DNAH3: variants seen among roughly 807,000 people sequenced by gnomAD.
DNAH3 encodes dynein axonemal heavy chain 3, also known as axonemal beta dynein heavy chain 3.
In DNAH3, 332 loss-of-function variants were observed where a neutral mutation model predicts 432.5. The ratio of observed to expected loss-of-function variants is 0.77; its 90% CI spans 0.70 to 0.84. DNAH3 has a LOEUF of 0.84. DNAH3 is among the 40% of genes least tolerant of loss of function. The pLI is 0.00. For missense variants in DNAH3, 4,861 were observed against 5,114.0 expected, an observed-to-expected ratio of 0.95 and a Z score of 1.51; for synonymous variants, 1,956 against 1,900.2, an observed-to-expected ratio of 1.03 and a Z score of -0.76.
chr16:21,110,804 G>A (rs895522708), intron 14 of DNAH3, among the ~76,000 whole-genome samples: 169 of 152,246 alleles, frequency 1.1e-3, no homozygotes, highest in Non-Finnish European at 1.5e-3. Flanking sequence ...CTGGGAGGTC[G>A]AGGCTGCCAT....
chr16:21,140,521 G>A lies in DNAH3; in HGVS notation c.696+15C>T, dbSNP rs2092705147. The A allele has an allele frequency of 6.2e-7, 1 of 1,610,482 alleles. No individual in the cohort carries two copies. ...CCCTCAGCAAACCGAGGGAAAGGGG[G>A]CAACAGGAACGTACCTCCAGGTCCG... On this transcript the variant is annotated intron_variant, in intron 5 of 61. Transcript: ENST00000261383.
chr16:21,040,428 G>A (rs1437627064), intron 32 of DNAH3, among the ~76,000 whole-genome samples: 2 of 134,884 alleles, frequency 1.5e-5, no homozygotes, highest in East Asian at 4.7e-4. Context: ...GCAGTGGCAC[G>A]ATCTTGGCTC....
chr16:20,972,236 C>T (rs75393441), intron 51 of DNAH3, among the ~76,000 whole-genome samples: 2 of 147,226 alleles, frequency 1.4e-5, no homozygotes, highest in Non-Finnish European at 3.0e-5. Flanking sequence ...TTTTTTTTCT[C>T]TCTTTTTTTT....
At chr16:20,942,069 TAAA>T (rs66695399) in intron 58 of DNAH3, among the ~76,000 whole-genome samples, 3 of 125,092 alleles carry the variant, frequency 2.4e-5, no homozygotes, top group Non-Finnish European at 1.7e-5. Flanking sequence ...GTCTAAAAGT[TAAA>T]AAAAAAAAAA....
chr16:21,051,803 A>C (rs990461544), exon 29 of DNAH3: 4 of 1,614,016 alleles, frequency 2.5e-6, no homozygotes, highest in Non-Finnish European at 3.4e-6. Flanking sequence ...CGCAGCTGTG[A>C]GATCCATTGG....
intron 20 of DNAH3, among the ~76,000 whole-genome samples, chr16:21,076,821 G>T (rs1287563415): frequency 1.3e-5 from 2 of 152,046 alleles, no homozygotes; most frequent in African/African-American, 2.4e-5. Context: ...CACGAATCTT[G>T]ATTAAAAGCC....
At chr16:21,058,292 A>G (rs2090207494) in intron 26 of DNAH3, 96 bp from the exon 27 acceptor site, 7 of 658,812 alleles carry the variant, frequency 1.1e-5, no homozygotes, top group Non-Finnish European at 1.9e-5. Flanking sequence ...CACCGCAACA[A>G]AAACAAAATC....
chr16:21,001,771 G>A (rs1206343252), intron 42 of DNAH3, among the ~76,000 whole-genome samples: 2 of 152,166 alleles, frequency 1.3e-5, no homozygotes, highest in Non-Finnish European at 2.9e-5. Flanking sequence ...GCCAGCAAGT[G>A]AGGCTAAATG....
chr16:20,969,086 CTGTGTGTGTGTGTGTG>C (rs56928155), intron 52 of DNAH3, among the ~76,000 whole-genome samples: 37 of 146,464 alleles, frequency 2.5e-4, no homozygotes, highest in African/African-American at 8.8e-4. Context: ...TTTTCTTTCT[CTGTGTGTGTGTGTGTG>C]TGTGTGTGTG....
In DNAH3 at chr16:20,948,648, C is replaced by A. The variant is rs1401065612; in HGVS notation, c.11189-11G>T. 4 of 1,613,984 alleles carry A rather than the reference C, an allele frequency of 2.5e-6. No individual in the cohort carries two copies. The highest frequency in any genetic ancestry group is 8.5e-7 in the Non-Finnish European group (1 of 1,179,948). On this transcript the variant is annotated splice_polypyrimidine_tract_variant and intron_variant, in intron 56 of 61. Coordinates refer to ENST00000261383, the Ensembl canonical transcript of DNAH3. The stretch of plus-strand genomic sequence containing the variant: ...CGTAATTACATTCCCCTGGGGACAA[C>A]CAACAGAAGGAGAGGTTGAGCCCAG...
chr16:21,024,705 G>C lies in DNAH3; in HGVS notation c.5541-4C>G, dbSNP rs780252380. On this transcript the variant is annotated splice_region_variant and splice_polypyrimidine_tract_variant and intron_variant, in intron 38 of 61. Coordinates refer to ENST00000261383, the Ensembl canonical transcript of DNAH3. ...CTCCATGTAGATCATCCCACACCTG[G>C]GAAGCACAGAGGACCAGTTTAGGTG... The C allele has an allele frequency of 4.3e-6, 7 of 1,612,860 alleles. No homozygotes were observed. The highest frequency in any genetic ancestry group is 5.9e-6 in the Non-Finnish European group (7 of 1,179,098).
chr16:21,062,584 A>C (rs1176932000), exon 25 of DNAH3: 1 of 1,614,062 alleles, frequency 6.2e-7, no homozygotes, highest in Non-Finnish European at 8.5e-7. Context: ...CAAGCTTGGC[A>C]ATTCCTTCAA....
intron 40 of DNAH3, among the ~76,000 whole-genome samples, 166 bp downstream of exon 40, chr16:21,021,805 A>G (rs2088240304): frequency 6.6e-6 from 1 of 151,994 alleles, no homozygotes; most frequent in Admixed American, 6.6e-5. Flanking sequence ...CGGGAGGCTG[A>G]GGCAGGAGAA....
chr16:21,099,265 GATGGATGGACAGATGGATGGATGGATGA>G (rs1252975509), intron 16 of DNAH3, among the ~76,000 whole-genome samples: 1 of 152,034 alleles, frequency 6.6e-6, no homozygotes, highest in Admixed American at 6.6e-5. Flanking sequence ...TGGATGGATG[GATGGATGGACAGATGGATGGATGGATGA>G]ATGGATGGAT....
chr16:20,984,372 T>TGATGGA (rs913397817), intron 48 of DNAH3, among the ~76,000 whole-genome samples: 1 of 151,644 alleles, frequency 6.6e-6, no homozygotes, highest in Non-Finnish European at 1.5e-5. Context: ...AATGTGAAGG[T>TGATGGA]GATGGAGATG....
At chr16:21,052,294 A>G (rs2089987975) in intron 28 of DNAH3, among the ~76,000 whole-genome samples, 3 of 152,112 alleles carry the variant, frequency 2.0e-5, no homozygotes. Context: ...GCCCAGCCCA[A>G]ACAATTTTAG....
intron 4 of DNAH3, among the ~76,000 whole-genome samples, chr16:21,140,964 C>T (rs950514022): frequency 1.3e-5 from 2 of 152,006 alleles, no homozygotes; most frequent in African/African-American, 4.8e-5. Context: ...CATGGTGAAA[C>T]CACGTCTCTA....
rs1432487522 is a variant in DNAH3 at position 21,119,331 on chromosome 16, G to C, written c.1699+1409C>G. Among the ~76,000 whole-genome samples the C allele has an allele frequency of 3.3e-5, 5 of 152,148 alleles. No homozygotes were observed. The East Asian group carries it at 9.6e-4, about 29-fold the overall frequency. On this transcript the variant is annotated intron_variant, in intron 11 of 61. Coordinates refer to ENST00000261383, the Ensembl canonical transcript of DNAH3. Reference sequence around the variant, plus strand: ...CCTGTAGAGCAGTCTGTGAAATGGAGTCAAGAACAATCGCATTCGGCCGGG... The same window carrying C: ...CCTGTAGAGCAGTCTGTGAAATGGACTCAAGAACAATCGCATTCGGCCGGG...
At chr16:21,145,611 T>C (rs963069852) in intron 2 of DNAH3, among the ~76,000 whole-genome samples, 4 of 152,232 alleles carry the variant, frequency 2.6e-5, no homozygotes, top group African/African-American at 9.6e-5. Flanking sequence ...TCAGGGATAA[T>C]AGCTTGCATT....
Sources: allele counts gnomAD v4.1 joint callset (sites outside exome capture counted in the v4.1 genomes callset), GRCh38; gene constraint gnomAD v4.1.1; transcripts MANE v1.5; gene names NCBI Gene and HGNC (gene_info 2026-07-23, HGNC 2026-07-21).